The following CAB39 variants were observed in gnomAD, a reference collection of about 807,000 sequenced individuals.
CAB39 encodes the protein calcium-binding protein 39.
In CAB39, 8 loss-of-function variants were observed where a neutral mutation model predicts 40.0. That is an observed-to-expected ratio of 0.20 (90% CI 0.12 to 0.36). The LOEUF is 0.36. Ranked by LOEUF, CAB39 falls within the 10% of genes least tolerant of loss-of-function variation. CAB39 has a pLI of 1.00. For synonymous variants in CAB39, 156 were observed against 141.6 expected (o/e 1.10, Z -0.72); for missense variants, 270 against 401.1 (o/e 0.67, Z 2.79).
At position 230,820,380 on chromosome 2, in the gene CAB39, AT is replaced by A. The variant is rs34517847; in HGVS notation, c.*1680del. ...AAATAGCTCCAGAAAATATAGATAT[AT>A]TTTATTTTTATTAAAATGGCAGTCT... On this transcript the variant is annotated 3_prime_UTR_variant, in exon 9 of 9. Coordinates refer to ENST00000258418, the MANE Select transcript of CAB39 (RefSeq NM_016289.4). The A allele has an allele frequency of 6.6e-6, 1 of 152,312 alleles. No homozygotes were observed. The highest frequency in any genetic ancestry group is 2.1e-4 in the South Asian group (1 of 4,828). The allele number at this position is 152,312 out of a possible 1,614,324, so 9.4% of individuals were successfully genotyped here.
intron 6 of CAB39, among the ~76,000 whole-genome samples, chr2:230,813,094 C>T (rs937398455): frequency 2.6e-5 from 4 of 152,168 alleles, no homozygotes; most frequent in African/African-American, 4.8e-5. Context: ...CAGGAAAGCA[C>T]GAAGATCCAA....
chr2:230,754,051 A>G (rs556722279), intron 1 of CAB39, among the ~76,000 whole-genome samples: 1 of 152,218 alleles, frequency 6.6e-6, no homozygotes, highest in Non-Finnish European at 1.5e-5. Context: ...CAGAAAGGAC[A>G]TCAGTGTGTC....
At chr2:230,804,867 T>TA (rs971877250) in intron 5 of CAB39, among the ~76,000 whole-genome samples, 21 of 152,174 alleles carry the variant, frequency 1.4e-4, no homozygotes, top group Admixed American at 9.2e-4. Context: ...GAAATAGAAA[T>TA]ACCATTTGAC....
intron 1 of CAB39, among the ~76,000 whole-genome samples, chr2:230,717,284 G>A (rs73995132): frequency 0.045 from 6,823 of 152,192 alleles, 526 homozygotes; most frequent in African/African-American, 0.15. Context: ...ATGAAGTCAG[G>A]TAATCTAAAT....
At chr2:230,797,233 G>A (rs2466158) in intron 4 of CAB39, among the ~76,000 whole-genome samples, 152,154 of 152,330 alleles carry the variant, frequency 1, 75,989 homozygotes, top group Middle Eastern at 1. Flanking sequence ...GAAGGCTTTT[G>A]AAGCCTGACA....
At chr2:230,809,766 G>A (rs1025167782) in intron 5 of CAB39, among the ~76,000 whole-genome samples, 1 of 152,118 alleles carries the variant, frequency 6.6e-6, no homozygotes, top group South Asian at 2.1e-4. Flanking sequence ...AAAAATTTGC[G>A]TTAGCTATGA....
At chr2:230,756,043 G>A (rs554908251) in intron 1 of CAB39, among the ~76,000 whole-genome samples, 34 of 152,192 alleles carry the variant, frequency 2.2e-4, no homozygotes, top group African/African-American at 3.6e-4. Flanking sequence ...CGTCCCCCCC[G>A]GGAGAAAGCA....
intron 1 of CAB39, among the ~76,000 whole-genome samples, chr2:230,721,794 T>G (rs2124854540): frequency 6.6e-6 from 1 of 152,332 alleles, no homozygotes; most frequent in East Asian, 1.9e-4. Flanking sequence ...TTTAGTAGTG[T>G]GTATTGGCAA....
intron 2 of CAB39, among the ~76,000 whole-genome samples, chr2:230,781,080 C>CA (rs113164632): frequency 0.15 from 21,247 of 140,664 alleles, 2,328 homozygotes; most frequent in African/African-American, 0.33. Context: ...GACCTGATCT[C>CA]AAAAAAAAAA....
At chr2:230,771,122 G>A (rs950733455) in intron 2 of CAB39, among the ~76,000 whole-genome samples, 1 of 151,566 alleles carries the variant, frequency 6.6e-6, no homozygotes, top group African/African-American at 2.4e-5. Context: ...TAAATGACAT[G>A]ATCATCTACA....
In CAB39 at chr2:230,817,783, C is replaced by T; in HGVS notation, c.723C>T (p.His241=). The change falls in exon 8 of 9, where the codon CAC becomes CAT. Residue 241 remains histidine (H), a synonymous_variant. Transcript: ENST00000258418. ...KLLGELLLDR[H]NFTIMTKYIS... is the part of the protein sequence containing the mutation. ...TCGGTGAACTACTACTAGATAGACA[C>T]AACTTCACAATTATGACAAAATACA... 6.2e-7 allele frequency: 1 copy of T among 1,609,378 alleles called. No individual in the cohort carries two copies. The highest frequency in any genetic ancestry group is 8.5e-7 in the Non-Finnish European group (1 of 1,177,272).
chr2:230,807,178 G>C (rs762239316), intron 5 of CAB39, among the ~76,000 whole-genome samples: 2 of 152,010 alleles, frequency 1.3e-5, no homozygotes, highest in Non-Finnish European at 2.9e-5. Flanking sequence ...CATGCCCTTT[G>C]CCCATTATGT....
intron 1 of CAB39, among the ~76,000 whole-genome samples, chr2:230,759,216 G>C (rs115970084): frequency 4.4e-4 from 67 of 152,238 alleles, no homozygotes; most frequent in Non-Finnish European, 7.4e-4. Context: ...CCCTGTCCAG[G>C]CTTCTCTCTA....
chr2:230,715,626 A>T (rs2124843266), intron 1 of CAB39, among the ~76,000 whole-genome samples: 1 of 152,268 alleles, frequency 6.6e-6, no homozygotes, highest in South Asian at 2.1e-4. Context: ...CATCACGAAG[A>T]CTCAGGCTGG....
intron 1 of CAB39, among the ~76,000 whole-genome samples, chr2:230,736,442 A>G (rs116837566): frequency 1.6e-3 from 247 of 152,312 alleles, no homozygotes; most frequent in Non-Finnish European, 2.5e-3. Flanking sequence ...AAAGCAATGG[A>G]AAAAGTGGAG....
chr2:230,763,270 A>T (rs941483610), intron 2 of CAB39, among the ~76,000 whole-genome samples: 1 of 152,198 alleles, frequency 6.6e-6, no homozygotes, highest in East Asian at 1.9e-4. Flanking sequence ...CTGCTCAAAC[A>T]TTATTTTGCT....
chr2:230,817,789 C>G lies in CAB39; in HGVS notation c.729C>G (p.Phe243Leu). Residue 243 changes from phenylalanine to leucine, a missense_variant, in exon 8 of 9, where the codon TTC becomes TTG. Physicochemically the swap from Phe to Leu is conservative, Grantham distance 22 (BLOSUM62 0). Coordinates refer to ENST00000258418, the MANE Select transcript of CAB39 (RefSeq NM_016289.4). The stretch of plus-strand genomic sequence containing the variant: ...AACTACTACTAGATAGACACAACTT[C>G]ACAATTATGACAAAATACATCAGTA... ...LGELLLDRHN[F>L]TIMTKYISKP... 1.2e-6 allele frequency: 2 copies of G among 1,611,112 alleles called. No homozygotes were observed. Among genetic ancestry groups the G allele is most frequent in the Non-Finnish European group, 1.7e-6 (2 of 1,178,340 alleles).
At chr2:230,734,195 G>T (rs1412803554) in intron 1 of CAB39, among the ~76,000 whole-genome samples, 1 of 152,164 alleles carries the variant, frequency 6.6e-6, no homozygotes, top group Non-Finnish European at 1.5e-5. Context: ...AGGAAGAGGT[G>T]CATCTGGGTC....
intron 2 of CAB39, among the ~76,000 whole-genome samples, chr2:230,764,601 A>G (rs1695351374): frequency 6.6e-6 from 1 of 152,238 alleles, no homozygotes; most frequent in South Asian, 2.1e-4. Flanking sequence ...TCTCATTAGA[A>G]GAGTCTTAAG....
Sources: allele counts gnomAD v4.1 joint callset (sites outside exome capture counted in the v4.1 genomes callset), GRCh38; gene constraint gnomAD v4.1.1; transcripts MANE v1.5; gene names NCBI Gene and HGNC (gene_info 2026-07-23, HGNC 2026-07-21).